Variants in ADCY7 observed in about 807,000 individuals in gnomAD.
The protein encoded by ADCY7 is adenylate cyclase type 7.
Under a neutral mutation model 120.6 loss-of-function variants are expected in ADCY7, and 72 were observed. That is an observed-to-expected ratio of 0.60 (90% confidence interval 0.49 to 0.73). The LOEUF (loss-of-function observed/expected upper bound fraction) is 0.73. Among genes scored for constraint, ADCY7 ranks in the 30% least tolerant of loss-of-function variants. The pLI is 0.00. For missense variants in ADCY7, 1,227 were observed against 1,486.0 expected (o/e 0.83, Z 2.87); for synonymous variants, 661 against 628.0 (o/e 1.05, Z -0.78).
intron 4 of ADCY7, 114 bp from the exon 5 acceptor site, chr16:50,292,562 G>T (rs765359712): frequency 1.1e-4 from 146 of 1,324,982 alleles, no homozygotes; most frequent in Non-Finnish European, 1.5e-4. Flanking sequence ...ATTCTCAGTG[G>T]GTTGAAGGTC....
chr16:50,256,629 G>C (rs1406345811), intron 1 of ADCY7, among the ~76,000 whole-genome samples: 1 of 152,114 alleles, frequency 6.6e-6, no homozygotes, highest in African/African-American at 2.4e-5. Flanking sequence ...CTTGAGCCCA[G>C]AATTCAGAGG....
At chr16:50,294,617 C>A in intron 6 of ADCY7, 23 bp from the exon 7 acceptor site, 2 of 1,302,140 alleles carry the variant, frequency 1.5e-6, no homozygotes, top group South Asian at 1.2e-5. Context: ...CTGACACTCC[C>A]TCCCACCCTG....
rs981883031 is a variant in ADCY7, at chr16:50,308,725, C to T, written c.1994C>T (p.Pro665Leu). ...ATCTCTGAGAGGGTGGAGACACAGC[C>T]CCTGCTGAGGCTGACCCTGGCCGTC... Reference protein sequence around the residue: ...CTISERVETQPLLRLTLAVLT... With the variant: ...CTISERVETQLLLRLTLAVLT... The change falls in exon 17 of 26, where the codon CCC becomes CTC. Residue 665 changes from proline (P) to leucine (L), a missense_variant. By Grantham distance (98) the Pro-to-Leu change is moderately conservative. Transcript: ENST00000673801. 3.7e-6 allele frequency: 6 copies of T among 1,613,668 alleles called. No individual in the cohort carries two copies. Among genetic ancestry groups the T allele is most frequent in the Non-Finnish European group, 2.5e-6 (3 of 1,179,994 alleles).
chr16:50,309,401 G>C (rs1028835285), intron 17 of ADCY7, 147 bp from the exon 18 acceptor site: 15 of 627,716 alleles, frequency 2.4e-5, no homozygotes, highest in Non-Finnish European at 3.8e-5. Context: ...GAGTCGGCAC[G>C]GCGGCTTGAG....
In ADCY7 at chr16:50,307,226, G is replaced by T; in HGVS notation, c.1850+79G>T. The T allele has an allele frequency of 2.8e-6, 4 of 1,423,352 alleles. No individual in the cohort carries two copies. In the South Asian group the frequency reaches 4.8e-5, roughly 17 times the overall value. The allele number at this position is 1,423,352 out of a possible 1,614,324, so 88.2% of individuals were successfully genotyped here. On this transcript the variant is annotated intron_variant, in intron 15 of 25. Transcript: ENST00000673801. Reference sequence around the variant, plus strand: ...GGTGACTATGAACCTGCAAGGAGCTGTGTGATTTGGGCTGGAAGGGGTCGG... The same window carrying T: ...GGTGACTATGAACCTGCAAGGAGCTTTGTGATTTGGGCTGGAAGGGGTCGG...
At position 50,294,500 on chromosome 16, in the gene ADCY7, C is replaced by T. The variant is rs893354697; in HGVS notation, c.837-140C>T. The T allele has an allele frequency of 2.7e-5, 16 of 602,820 alleles. No homozygotes were observed. The Admixed American group carries it at 3.1e-4, about 12-fold the overall frequency. 37.3% of individuals were successfully genotyped at this position (602,820 alleles called of 1,614,324 possible). On this transcript the variant is annotated intron_variant, in intron 6 of 25. Transcript: ENST00000673801. ...ATGGCTGGGCGCGACTCTCCCATCC[C>T]TATGGAGGCTGAGGAAGGACGGGGG... is the stretch of plus-strand genomic sequence containing the variant.
At chr16:50,314,165 C>A in intron 23 of ADCY7, 103 bp downstream of exon 23, 1 of 1,411,478 alleles carries the variant, frequency 7.1e-7, no homozygotes, top group Non-Finnish European at 9.9e-7. Context: ...GGGGGAGGGG[C>A]ACAGGTACTT....
rs992092745 is a variant in ADCY7 at position 50,259,648 on chromosome 16, T to C, written c.-64+13445T>C. Among the ~76,000 whole-genome samples the C allele has an allele frequency of 2.0e-5, 3 of 152,298 alleles. No homozygotes were observed. In the East Asian group the frequency reaches 5.8e-4, roughly 29 times the overall value. ...TACATGAAGTCGGGCTGTTCATCTT[T>C]CCTTGTTGTGGCATTGGAACTCAGC... On this transcript the variant is annotated intron_variant, in intron 1 of 4. Coordinates refer to the ADCY7 transcript ENST00000564044.
At chr16:50,250,100 G>A (rs766032626) in intron 1 of ADCY7, among the ~76,000 whole-genome samples, 27 of 152,326 alleles carry the variant, frequency 1.8e-4, no homozygotes, top group South Asian at 4.1e-4. Flanking sequence ...GACAGTAAGA[G>A]TGCTTATCTC....
chr16:50,255,315 ATTTCT>A (rs967682304), intron 1 of ADCY7, among the ~76,000 whole-genome samples: 22 of 138,640 alleles, frequency 1.6e-4, no homozygotes, highest in African/African-American at 5.8e-4. Flanking sequence ...TATATTTATA[ATTTCT>A]TTTTTATAGA....
intron 1 of ADCY7, among the ~76,000 whole-genome samples, chr16:50,259,582 C>T (rs950536557): frequency 4.6e-5 from 7 of 152,200 alleles, no homozygotes; most frequent in African/African-American, 1.7e-4. Flanking sequence ...CCCTGGGGAT[C>T]ATGGGAGTCA....
chr16:50,262,468 A>C (rs1330708522), upstream of ADCY7, among the ~76,000 whole-genome samples: 3 of 151,866 alleles, frequency 2.0e-5, no homozygotes, highest in Non-Finnish European at 2.9e-5. Context: ...GCTGGGATTC[A>C]GGCGCCTGCC....
chr16:50,275,483 G>C (rs1221807162), intron 1 of ADCY7, among the ~76,000 whole-genome samples: 2 of 152,226 alleles, frequency 1.3e-5, no homozygotes, highest in Admixed American at 1.3e-4. Flanking sequence ...GGTTCATTAG[G>C]GATTCAGTGC....
chr16:50,314,889 C>G, intron 24 of ADCY7, 125 bp from the exon 25 acceptor site: 8 of 1,371,628 alleles, frequency 5.8e-6, no homozygotes, highest in African/African-American at 1.5e-5. Flanking sequence ...GGAAGCAACC[C>G]AGCCTTCACT....
intron 1 of ADCY7, among the ~76,000 whole-genome samples, chr16:50,258,924 A>G (rs975090897): frequency 2.3e-4 from 35 of 152,128 alleles, no homozygotes; most frequent in Non-Finnish European, 3.2e-4. Context: ...GTTACAGTAA[A>G]AACCTTCCGT....
intron 11 of ADCY7, 129 bp downstream of exon 11, chr16:50,304,680 C>T: frequency 1.8e-6 from 2 of 1,086,244 alleles, no homozygotes; most frequent in African/African-American, 1.6e-5. Flanking sequence ...CAGCCTCTGC[C>T]CCACCTCCTG....
chr16:50,294,772 T>A, intron 7 of ADCY7, 21 bp downstream of exon 7: 1 of 1,571,612 alleles, frequency 6.4e-7, no homozygotes, highest in African/African-American at 1.3e-5. Flanking sequence ...TGGCCTACAA[T>A]GGGCAAAGCC....
Position 50,315,546 on chromosome 16 carries a change from C to T in ADCY7, c.*41C>T. ...TCCGAAAAGGCCGGGAAGCCAGTCT[C>T]CTTCCCTGAAGCAAGCCCAGGAGAA... On this transcript the variant is annotated 3_prime_UTR_variant, in exon 26 of 26. Coordinates refer to ENST00000673801, the MANE Select transcript of ADCY7 (RefSeq NM_001114.5). 1 of 1,592,954 alleles carries T rather than the reference C, an allele frequency of 6.3e-7. No homozygotes were observed. Among genetic ancestry groups the T allele is most frequent in the Non-Finnish European group, 8.6e-7 (1 of 1,162,790 alleles).
intron 1 of ADCY7, among the ~76,000 whole-genome samples, chr16:50,249,076 A>G (rs1363834449): frequency 6.6e-6 from 1 of 152,150 alleles, no homozygotes; most frequent in Non-Finnish European, 1.5e-5. Context: ...CCCACCTCCC[A>G]GGCCTTGCCC....
Sources: gnomAD v4.1 joint callset for allele counts (sites outside exome capture counted in the v4.1 genomes callset) on GRCh38, gnomAD v4.1.1 for gene constraint, MANE v1.5 for transcripts, NCBI Gene and HGNC (gene_info 2026-07-23, HGNC 2026-07-21) for gene names.